The following HEATR5B variants were observed in gnomAD, a reference collection of about 807,000 sequenced individuals.
HEATR5B encodes the protein HEAT repeat containing 5B, also known as HEAT repeat-containing protein 5B.
HEATR5B carries 156 observed loss-of-function variants against 224.1 expected under a neutral mutation model. The ratio of observed to expected loss-of-function variants is 0.70; its 90% CI spans 0.61 to 0.80. The LOEUF is 0.80. Among genes scored for constraint, HEATR5B ranks in the 30% least tolerant of loss-of-function variants. The probability of loss-of-function intolerance (pLI) is 0.00; values close to 1 mark genes in which losing one functional copy is unlikely to be tolerated. For synonymous variants in HEATR5B, 1,027 were observed against 893.0 expected, an observed-to-expected ratio of 1.15 and a Z score of -2.68; for missense variants, 2,323 against 2,535.5, an observed-to-expected ratio of 0.92 and a Z score of 1.80.
intron 23 of HEATR5B, 78 bp downstream of exon 23, chr2:37,028,603 C>CT: frequency 9.1e-7 from 1 of 1,096,256 alleles, no homozygotes; most frequent in Non-Finnish European, 1.3e-6. Context: ...ATGTATGTAT[C>CT]TTTATACATA....
At chr2:37,067,645 C>T (rs953260760) in intron 8 of HEATR5B, among the ~76,000 whole-genome samples, 4 of 151,982 alleles carry the variant, frequency 2.6e-5, no homozygotes, top group South Asian at 4.2e-4. Context: ...GTGGCACACG[C>T]CTGTAATAAC....
At chr2:37,054,782 C>T (rs1402658725) in intron 16 of HEATR5B, among the ~76,000 whole-genome samples, 1 of 152,086 alleles carries the variant, frequency 6.6e-6, no homozygotes, top group South Asian at 2.1e-4. Context: ...AACGCCCGGC[C>T]CATTTCAGAA....
intron 2 of HEATR5B, 105 bp downstream of exon 2, chr2:37,083,183 TA>T: frequency 7.8e-7 from 1 of 1,284,838 alleles, no homozygotes; most frequent in Non-Finnish European, 1.1e-6. Flanking sequence ...TCAAGTTCCA[TA>T]AGTGACCCAT....
chr2:36,987,857 C>A (rs905038854), intron 35 of HEATR5B, among the ~76,000 whole-genome samples: 5 of 152,020 alleles, frequency 3.3e-5, no homozygotes, highest in Admixed American at 6.6e-5. Flanking sequence ...TCGCTTGAGT[C>A]CAGGAGGAGT....
At chr2:36,986,440 G>T (rs529863151) in intron 35 of HEATR5B, among the ~76,000 whole-genome samples, 1 of 152,000 alleles carries the variant, frequency 6.6e-6, no homozygotes, top group South Asian at 2.1e-4. Flanking sequence ...TCTTCTACTG[G>T]CATAGTTCTG....
intron 22 of HEATR5B, among the ~76,000 whole-genome samples, chr2:37,031,739 C>T (rs1265605867): frequency 6.6e-6 from 1 of 152,006 alleles, no homozygotes. Context: ...TGAAGTTATT[C>T]TTGTATCTTG....
intron 5 of HEATR5B, among the ~76,000 whole-genome samples, chr2:37,072,579 G>C (rs1199043156): frequency 6.6e-6 from 1 of 152,024 alleles, no homozygotes; most frequent in Admixed American, 6.6e-5. Flanking sequence ...AATAACCTCA[G>C]CTTCACCCTT....
chr2:37,061,596 T>C (rs1671285106), intron 11 of HEATR5B, among the ~76,000 whole-genome samples: 2 of 152,192 alleles, frequency 1.3e-5, no homozygotes, highest in South Asian at 2.1e-4. Context: ...CAATTAAATG[T>C]GACTTTACCA....
chr2:37,024,897 A>G (rs1283136116), intron 24 of HEATR5B, among the ~76,000 whole-genome samples: 1 of 152,060 alleles, frequency 6.6e-6, no homozygotes, highest in Non-Finnish European at 1.5e-5. Context: ...TCAAAGCAAG[A>G]CCTCCGTCTT....
intron 27 of HEATR5B, 122 bp downstream of exon 27, chr2:37,013,719 G>C (rs1449871300): frequency 4.5e-6 from 3 of 665,174 alleles, no homozygotes; most frequent in Non-Finnish European, 7.4e-6. Context: ...TTTTCAAAAA[G>C]TATTCCATAT....
Position 37,040,939 on chromosome 2 carries a change from A to G in HEATR5B, c.2856+194T>C, listed in dbSNP as rs1023486956. 1.1e-5 allele frequency: 6 copies of G among 533,172 alleles called. No individual in the cohort carries two copies. The African/African-American group carries it at 1.1e-4, about 10-fold the overall frequency. 33.0% of individuals were successfully genotyped at this position (533,172 alleles called of 1,614,324 possible). ...AATATGTTTGAAGGAATGTATGTGA[A>G]TGGGTAAAATTCTCAGAATAAGACA... is the stretch of plus-strand genomic sequence containing the variant. On this transcript the variant is annotated intron_variant, in intron 19 of 35. Transcript: ENST00000233099.
chr2:36,981,269 T>G lies in HEATR5B; in HGVS notation c.*221A>C. On this transcript the variant is annotated 3_prime_UTR_variant, in exon 36 of 36. Coordinates refer to ENST00000233099, the MANE Select transcript of HEATR5B (RefSeq NM_019024.3). ...TAAATAAGTTAACAAAAGAGAAACA[T>G]TATTAGGAGGAAAATGAAAACATAT... is the stretch of plus-strand genomic sequence containing the variant. 2.4e-6 allele frequency: 1 copy of G among 422,312 alleles called. No homozygotes were observed. Among genetic ancestry groups the G allele is most frequent in the South Asian group, 5.8e-5 (1 of 17,162 alleles). 26.2% of individuals were successfully genotyped at this position (422,312 alleles called of 1,614,324 possible). A position where few individuals can be genotyped will look rare whatever the true frequency, so the allele number is the denominator to read the frequency against.
At chr2:36,992,417 C>CA (rs1666391768) in intron 33 of HEATR5B, among the ~76,000 whole-genome samples, 1 of 151,814 alleles carries the variant, frequency 6.6e-6, no homozygotes, top group South Asian at 2.1e-4. Flanking sequence ...CCTGTCTCTA[C>CA]AAAAAACAAA....
chr2:37,024,335 T>C (rs1171929210), intron 24 of HEATR5B, among the ~76,000 whole-genome samples: 1 of 152,180 alleles, frequency 6.6e-6, no homozygotes, highest in Non-Finnish European at 1.5e-5. Flanking sequence ...GCACGGTGAC[T>C]ATACTTAATG....
Position 37,070,375 on chromosome 2 carries a change from T to C in HEATR5B, c.782A>G (p.Asn261Ser). The C allele has an allele frequency of 6.2e-7, 1 of 1,613,322 alleles. No homozygotes were observed. The highest frequency in any genetic ancestry group is 8.5e-7 in the Non-Finnish European group (1 of 1,179,450). Residue 261 changes from asparagine (N) to serine (S), a missense_variant, in exon 7 of 36, where the codon AAT becomes AGT. Asn to Ser is a conservative substitution (Grantham distance 46). This residue lies in a region of HEATR5B where 292 missense variants were observed against 332.6 expected (regional missense o/e 0.88). Coordinates refer to ENST00000233099, the MANE Select transcript of HEATR5B (RefSeq NM_019024.3). Reference protein sequence around the residue: ...MPKQATVMRQNVKRATFDEVL... With the variant: ...MPKQATVMRQSVKRATFDEVL... ...TTCATCAAATGTTGCTCGCTTCACATTCTGACGCATTACTTTCAAGAAGAA... is the reference window on the plus strand; with the variant it reads ...TTCATCAAATGTTGCTCGCTTCACACTCTGACGCATTACTTTCAAGAAGAA...
At chr2:37,077,406 T>C (rs1350338565) in intron 3 of HEATR5B, among the ~76,000 whole-genome samples, 1 of 152,132 alleles carries the variant, frequency 6.6e-6, no homozygotes, top group Non-Finnish European at 1.5e-5. Context: ...CCTCCTGGGT[T>C]CAAGCCATTC....
rs757657956 is a variant in HEATR5B at position 37,041,306 on chromosome 2, T to C, written c.2697-14A>G. Reference sequence around the variant, plus strand: ...GCCGATTTCAACCTGAAAAAAAGATTATGCTTCAAGCACTAACTTTGCTAT... The same window carrying C: ...GCCGATTTCAACCTGAAAAAAAGATCATGCTTCAAGCACTAACTTTGCTAT... On this transcript the variant is annotated splice_polypyrimidine_tract_variant and intron_variant, in intron 18 of 35. Coordinates refer to ENST00000233099, the MANE Select transcript of HEATR5B (RefSeq NM_019024.3). 1 of 1,612,666 alleles carries C rather than the reference T, an allele frequency of 6.2e-7. No homozygotes were observed. Among genetic ancestry groups the C allele is most frequent in the Non-Finnish European group, 8.5e-7 (1 of 1,178,994 alleles).
Position 37,049,848 on chromosome 2 carries a change from A to C in HEATR5B, c.2506-5T>G. On this transcript the variant is annotated splice_polypyrimidine_tract_variant and splice_region_variant and intron_variant, in intron 17 of 35. Coordinates refer to ENST00000233099, the MANE Select transcript of HEATR5B (RefSeq NM_019024.3). ...ACTTTTGTTTTCAGCTAAGCCCTAC[A>C]TTAAAAAAAAAAAAAAAAAAAAGAC... 7.3e-7 allele frequency: 1 copy of C among 1,376,606 alleles called. No individual in the cohort carries two copies. The highest frequency in any genetic ancestry group is 9.4e-7 in the Non-Finnish European group (1 of 1,060,150). The allele number at this position is 1,376,606 out of a possible 1,614,324, so 85.3% of individuals were successfully genotyped here.
At chr2:37,042,988 T>C (rs563811499) in intron 18 of HEATR5B, among the ~76,000 whole-genome samples, 1 of 151,992 alleles carries the variant, frequency 6.6e-6, no homozygotes, top group South Asian at 2.1e-4. Context: ...TAATGCATCT[T>C]ATCTGTGCCC....
Sources: gnomAD v4.1 joint callset for allele counts (sites outside exome capture counted in the v4.1 genomes callset) on GRCh38, gnomAD v4.1.1 for gene constraint, gnomAD v4.1.1 regional missense constraint, MANE v1.5 for transcripts, NCBI Gene and HGNC (gene_info 2026-07-23, HGNC 2026-07-21) for gene names.